The following NPEPPS variants were observed in gnomAD, a reference collection of about 807,000 sequenced individuals.
NPEPPS encodes aminopeptidase puromycin sensitive, also known as puromycin-sensitive aminopeptidase.
A neutral mutation model predicts 115.5 loss-of-function variants in NPEPPS; 14 were observed. The ratio of observed to expected loss-of-function variants is 0.12; its 90% CI spans 0.08 to 0.19. The LOEUF is 0.19. Among genes scored for constraint, NPEPPS ranks in the 10% least tolerant of loss-of-function variants. The probability of loss-of-function intolerance (pLI) is 1.00; values close to 1 mark genes in which losing one functional copy is unlikely to be tolerated. For synonymous variants in NPEPPS, 285 were observed against 390.6 expected (o/e 0.73, Z 3.19); for missense variants, 523 against 1,110.8 (o/e 0.47, Z 7.52).
intron 17 of NPEPPS, among the ~76,000 whole-genome samples, chr17:47,611,173 G>C (rs1913850231): frequency 6.6e-6 from 1 of 151,720 alleles, no homozygotes; most frequent in Non-Finnish European, 1.5e-5. Context: ...TAAGAGACAG[G>C]GTCGGCTGGG....
At chr17:47,599,985 A>AT (rs1555611431) in intron 14 of NPEPPS, among the ~76,000 whole-genome samples, 3 of 151,958 alleles carry the variant, frequency 2.0e-5, no homozygotes, top group Non-Finnish European at 4.4e-5. Flanking sequence ...TGCTCGGCTA[A>AT]TTTTTTGTAT....
chr17:47,574,646 A>T (rs1240466013), intron 3 of NPEPPS, among the ~76,000 whole-genome samples: 1 of 152,104 alleles, frequency 6.6e-6, no homozygotes, highest in Non-Finnish European at 1.5e-5. Flanking sequence ...GCTGGAGTAT[A>T]GTGGTGCAGT....
At chr17:47,546,659 C>T (rs564462226) in intron 2 of NPEPPS, among the ~76,000 whole-genome samples, 115 of 152,190 alleles carry the variant, frequency 7.6e-4, no homozygotes, top group Non-Finnish European at 1.5e-3. Flanking sequence ...CCTGCCTCAG[C>T]CTCCTGAGTG....
chr17:47,583,162 T>C (rs994002936), intron 5 of NPEPPS, among the ~76,000 whole-genome samples: 1 of 152,108 alleles, frequency 6.6e-6, no homozygotes, highest in African/African-American at 2.4e-5. Flanking sequence ...CCTCTTTTTC[T>C]TGATAGCTTT....
intron 3 of NPEPPS, among the ~76,000 whole-genome samples, chr17:47,576,513 G>A (rs1274795201): frequency 6.6e-6 from 1 of 152,140 alleles, no homozygotes; most frequent in East Asian, 1.9e-4. Context: ...AAGAAGTGGT[G>A]ACACAAAGGC....
At chr17:47,569,101 C>T (rs1487275527) in intron 2 of NPEPPS, among the ~76,000 whole-genome samples, 1 of 152,056 alleles carries the variant, frequency 6.6e-6, no homozygotes, top group Admixed American at 6.6e-5. Context: ...ATGAGTAAGA[C>T]TGCAATATCA....
At position 47,579,930 on chromosome 17, in the gene NPEPPS, C is replaced by CGTGTGT. The variant is rs10591746; in HGVS notation, c.540+448_540+453dup. 405 of 146,604 alleles carry CGTGTGT rather than the reference C, an allele frequency of 2.8e-3. 1 individual carries two copies. The highest frequency in any genetic ancestry group is 8.9e-3 in the African/African-American group (331 of 37,384). 9.1% of individuals were successfully genotyped at this position (146,604 alleles called of 1,614,324 possible). On this transcript the variant is annotated intron_variant, in intron 4 of 22. Coordinates refer to ENST00000322157, the MANE Select transcript of NPEPPS (RefSeq NM_006310.4). ...TGCTGTCTTTGATTTTTTTTTTCTCCGTGTGTGTGTGTGTGTGTGTGTGTG... is the reference window on the plus strand; with the variant it reads ...TGCTGTCTTTGATTTTTTTTTTCTCCGTGTGTGTGTGTGTGTGTGTGTGTGTGTGTG...
chr17:47,597,508 G>A (rs886676191), intron 13 of NPEPPS, among the ~76,000 whole-genome samples: 6 of 152,026 alleles, frequency 3.9e-5, no homozygotes, highest in African/African-American at 1.5e-4. Context: ...TGTCCACAAA[G>A]CTAAGTATTT....
In NPEPPS at chr17:47,615,815, CATTT is replaced by C. The variant is rs1178626053; in HGVS notation, c.2295+2096_2295+2099del. On this transcript the variant is annotated intron_variant, in intron 19 of 22. Coordinates refer to ENST00000322157, the MANE Select transcript of NPEPPS (RefSeq NM_006310.4). ...AGTATGTGTATTTATTCAGAGTTTG[CATTT>C]ATTTAACACAAGAGAGTTCACGATA... is the stretch of plus-strand genomic sequence containing the variant. Among the ~76,000 whole-genome samples, 7 of 152,180 alleles carry C rather than the reference CATTT, an allele frequency of 4.6e-5. No homozygotes were observed. The South Asian group carries it at 6.2e-4, about 14-fold the overall frequency.
chr17:47,607,824 A>T (rs1297161785), intron 17 of NPEPPS, among the ~76,000 whole-genome samples: 1 of 152,160 alleles, frequency 6.6e-6, no homozygotes. Flanking sequence ...ATGTACAGGG[A>T]TAGGGAAGAC....
At chr17:47,604,897 T>A (rs1394936477) in intron 16 of NPEPPS, among the ~76,000 whole-genome samples, 1 of 152,234 alleles carries the variant, frequency 6.6e-6, no homozygotes, top group East Asian at 1.9e-4. Context: ...TGACACAGTT[T>A]GCAGGTCCGG....
chr17:47,609,572 A>T (rs1349849232), intron 17 of NPEPPS, among the ~76,000 whole-genome samples: 1 of 152,240 alleles, frequency 6.6e-6, no homozygotes, highest in Non-Finnish European at 1.5e-5. Context: ...TGGTTTTCTT[A>T]AAATTATTTT....
chr17:47,573,560 G>T (rs1390084773), intron 3 of NPEPPS, among the ~76,000 whole-genome samples: 1 of 152,144 alleles, frequency 6.6e-6, no homozygotes, highest in Non-Finnish European at 1.5e-5. Flanking sequence ...GTCTAAAGTT[G>T]AAAAATGAAG....
intron 5 of NPEPPS, among the ~76,000 whole-genome samples, chr17:47,583,382 G>A (rs1413991275): frequency 6.6e-6 from 1 of 151,896 alleles, no homozygotes; most frequent in African/African-American, 2.4e-5. Context: ...GTCAGGAGTT[G>A]AAGACCAGCC....
At chr17:47,536,905 G>A (rs1468793342) in intron 1 of NPEPPS, among the ~76,000 whole-genome samples, 1 of 151,238 alleles carries the variant, frequency 6.6e-6, no homozygotes, top group Non-Finnish European at 1.5e-5. Context: ...TAGAGAGATG[G>A]TTTCATCATG....
intron 1 of NPEPPS, among the ~76,000 whole-genome samples, chr17:47,543,162 AAG>A (rs1288591035): frequency 4.0e-5 from 6 of 151,600 alleles, no homozygotes; most frequent in Non-Finnish European, 5.9e-5. Context: ...AAAAAAAAAA[AAG>A]AAAAATGCAC....
chr17:47,611,156 G>T (rs965934915), intron 17 of NPEPPS, among the ~76,000 whole-genome samples: 1 of 151,562 alleles, frequency 6.6e-6, no homozygotes, highest in African/African-American at 2.4e-5. Context: ...CCGTCCTTTT[G>T]TTTTTTTAAG....
At chr17:47,607,072 C>A (rs1380726532) in intron 17 of NPEPPS, among the ~76,000 whole-genome samples, 2 of 151,800 alleles carry the variant, frequency 1.3e-5, no homozygotes, top group Non-Finnish European at 2.9e-5. Flanking sequence ...GGGTGCCTCT[C>A]ATCTTAGCTA....
In NPEPPS at chr17:47,554,456, G is replaced by A. The variant is rs529185063; in HGVS notation, c.340+8463G>A. Among the ~76,000 whole-genome samples, 5 of 152,108 alleles carry A rather than the reference G, an allele frequency of 3.3e-5. No individual in the cohort carries two copies. The South Asian group carries it at 1.0e-3, about 32-fold the overall frequency. ...ATCTCACTGCAGCCTCAAACTGCTG[G>A]GCTCAAGTGATCCTCCTGCTTCAGC... On this transcript the variant is annotated intron_variant, in intron 2 of 22. Coordinates refer to ENST00000322157, the MANE Select transcript of NPEPPS (RefSeq NM_006310.4).
Sources: gnomAD v4.1 joint callset for allele counts (sites outside exome capture counted in the v4.1 genomes callset) on GRCh38, gnomAD v4.1.1 for gene constraint, MANE v1.5 for transcripts, NCBI Gene and HGNC (gene_info 2026-07-23, HGNC 2026-07-21) for gene names.